Variants in HMGA1 observed in about 807,000 individuals in gnomAD.
HMGA1 encodes the protein high mobility group protein HMG-I/HMG-Y.
A neutral mutation model predicts 15.1 loss-of-function variants in HMGA1; 1 was observed. The observed-to-expected ratio is 0.07, with a 90% CI of 0.02 to 0.31. The LOEUF is 0.31. Among genes scored for constraint, HMGA1 ranks in the 10% least tolerant of loss-of-function variants. The pLI, the probability that HMGA1 is intolerant of heterozygous loss-of-function variation, is 1.00. For missense variants in HMGA1, 94 were observed against 141.4 expected (o/e 0.66, Z 1.70); for synonymous variants, 56 against 54.8 (o/e 1.02, Z -0.10).
At position 34,240,084 on chromosome 6, in the gene HMGA1, C is replaced by T. The variant is rs922888958; in HGVS notation, c.-44-653C>T. On this transcript the variant is annotated intron_variant, in intron 2 of 5. Coordinates refer to ENST00000311487, the MANE Select transcript of HMGA1 (RefSeq NM_145899.3). ...CCCACTAGCTTCAACCATCTCCTCC[C>T]TCCCTCAATTATACCAATCTGAATT... Among the ~76,000 whole-genome samples, 3 of 152,168 alleles carry T rather than the reference C, an allele frequency of 2.0e-5. No individual in the cohort carries two copies. The South Asian group carries it at 6.2e-4, about 32-fold the overall frequency.
At chr6:34,242,588 C>T in intron 3 of HMGA1, 124 bp from the exon 4 acceptor site, 1 of 722,628 alleles carries the variant, frequency 1.4e-6, no homozygotes, top group East Asian at 2.8e-5. Flanking sequence ...ATTCCTAGGT[C>T]AGGGATGGTT....
intron 5 of HMGA1, among the ~76,000 whole-genome samples, chr6:34,243,788 G>T (rs1561876072): frequency 6.6e-6 from 1 of 152,098 alleles, no homozygotes; most frequent in Non-Finnish European, 1.5e-5. Context: ...CCTGCTCCTA[G>T]AATACTCAGA....
chr6:34,239,713 T>A (rs977005677), intron 2 of HMGA1, among the ~76,000 whole-genome samples: 1 of 152,162 alleles, frequency 6.6e-6, no homozygotes, highest in Non-Finnish European at 1.5e-5. Context: ...TGTGGAGGAC[T>A]GTCCTTTTTA....
At chr6:34,241,034 C>A in intron 3 of HMGA1, 119 bp downstream of exon 3, 2 of 1,182,744 alleles carry the variant, frequency 1.7e-6, no homozygotes, top group Non-Finnish European at 2.5e-6. Context: ...GCGCAGTAAG[C>A]GTGTGGGTGT....
chr6:34,238,275 C>G (rs1210810268), intron 2 of HMGA1, among the ~76,000 whole-genome samples: 2 of 152,070 alleles, frequency 1.3e-5, no homozygotes, highest in Admixed American at 6.5e-5. Context: ...GCCCTGGCCC[C>G]GGGTCCCGCC....
chr6:34,241,866 C>T (rs922171652), intron 3 of HMGA1, among the ~76,000 whole-genome samples: 10 of 152,176 alleles, frequency 6.6e-5, no homozygotes, highest in Non-Finnish European at 1.5e-4. Context: ...CCCAGGGAGA[C>T]ACGAGCTGTG....
intron 5 of HMGA1, 43 bp from the exon 6 acceptor site, chr6:34,244,788 G>T: frequency 6.5e-7 from 1 of 1,528,792 alleles, no homozygotes; most frequent in South Asian, 1.2e-5. Flanking sequence ...GTGGAAGAGG[G>T]GGACCGGGCC....
At chr6:34,242,844 C>T (rs767235272) in intron 4 of HMGA1, 49 bp downstream of exon 4, 1 of 1,407,130 alleles carries the variant, frequency 7.1e-7, no homozygotes, top group Non-Finnish European at 9.9e-7. Context: ...AGCAGAGGAT[C>T]CTCTTGTTGG....
At chr6:34,242,640 C>T in intron 3 of HMGA1, 72 bp from the exon 4 acceptor site, 2 of 1,026,580 alleles carry the variant, frequency 1.9e-6, no homozygotes, top group Admixed American at 2.0e-5. Context: ...GTTGAGGAGG[C>T]AGAGGGCTGT....
intron 2 of HMGA1, among the ~76,000 whole-genome samples, chr6:34,240,331 G>A (rs917101049): frequency 2.2e-4 from 34 of 152,168 alleles, no homozygotes; most frequent in African/African-American, 7.7e-4. Flanking sequence ...TTCTCTTAAA[G>A]AGAAAGGGCA....
At position 34,240,941 on chromosome 6, in the gene HMGA1, T is replaced by G. The variant is rs139544343; in HGVS notation, c.135+26T>G. On this transcript the variant is annotated intron_variant, in intron 3 of 5. Coordinates refer to ENST00000311487, the MANE Select transcript of HMGA1 (RefSeq NM_145899.3). Reference sequence around the variant, plus strand: ...GTGGGTGTCCAAACCTTTGCTTCACTTGGTTTACCCTTTGGGGCTAGGGAG... The same window carrying G: ...GTGGGTGTCCAAACCTTTGCTTCACGTGGTTTACCCTTTGGGGCTAGGGAG... The G allele has an allele frequency of 1.3e-3, 2,081 of 1,613,346 alleles. 33 individuals are homozygous for G. In the African/African-American group the frequency reaches 0.023, roughly 17 times the overall value.
intron 5 of HMGA1, 81 bp from the exon 6 acceptor site, chr6:34,244,750 A>G (rs1177032795): frequency 8.6e-7 from 1 of 1,165,776 alleles, no homozygotes; most frequent in East Asian, 2.6e-5. Context: ...CAGGGAGTGC[A>G]GGGAGCGGGT....
At chr6:34,238,209 CGG>C (rs1018795222) in intron 2 of HMGA1, among the ~76,000 whole-genome samples, 9 of 151,966 alleles carry the variant, frequency 5.9e-5, no homozygotes, top group African/African-American at 2.2e-4. Flanking sequence ...TGCATGCGGT[CGG>C]GGTGCGCTGC....
At chr6:34,237,769 G>A (rs1376171317) in intron 2 of HMGA1, among the ~76,000 whole-genome samples, 2 of 151,584 alleles carry the variant, frequency 1.3e-5, no homozygotes, top group Non-Finnish European at 3.0e-5. Flanking sequence ...GGGGGGTCGG[G>A]CGCCCCCCGC....
chr6:34,238,705 T>C (rs1314307512), intron 2 of HMGA1: 2 of 151,500 alleles, frequency 1.3e-5, no homozygotes, highest in Non-Finnish European at 2.9e-5. Flanking sequence ...CAGAAACAGG[T>C]GGAAAAGACG....
At chr6:34,243,409 C>A in intron 4 of HMGA1, 59 bp from the exon 5 acceptor site, 3 of 1,333,282 alleles carry the variant, frequency 2.3e-6, no homozygotes, top group Non-Finnish European at 3.2e-6. Flanking sequence ...CACTATTGGG[C>A]ATCGGGTGAG....
At chr6:34,239,529 C>G (rs1342886298) in intron 2 of HMGA1, among the ~76,000 whole-genome samples, 1 of 152,146 alleles carries the variant, frequency 6.6e-6, no homozygotes, top group Non-Finnish European at 1.5e-5. Flanking sequence ...GGAGGTAGTT[C>G]AGGCAGGTAC....
chr6:34,246,217 AT>A lies in HMGA1; in HGVS notation c.*1334del, dbSNP rs1269084103. On this transcript the variant is annotated 3_prime_UTR_variant, in exon 6 of 6. Coordinates refer to ENST00000311487, the MANE Select transcript of HMGA1 (RefSeq NM_145899.3). ...ATTTGCAGTTACTTGAATAAAAAAAATATCCTTTTCTGGACTGGAGTCTCCT... is the reference window on the plus strand; with the variant it reads ...ATTTGCAGTTACTTGAATAAAAAAAAATCCTTTTCTGGACTGGAGTCTCCT... 20 of 303,470 alleles carry A rather than the reference AT, an allele frequency of 6.6e-5. No individual in the cohort carries two copies. Among genetic ancestry groups the A allele is most frequent in the South Asian group, 1.2e-4 (1 of 8,386 alleles). The allele number at this position is 303,470 out of a possible 1,614,324, so 18.8% of individuals were successfully genotyped here. A position where few individuals can be genotyped will look rare whatever the true frequency, so the allele number is the denominator to read the frequency against.
Position 34,237,186 on chromosome 6 carries a change from G to GCT in HMGA1, c.-158-12_-158-11dup, listed in dbSNP as rs113872254. ...GCGGCGGCGGTCTCTGAGCGCCTCTGCTCTCTCCCGGTTTCAGATCCGCAT... is the reference window on the plus strand; with the variant it reads ...GCGGCGGCGGTCTCTGAGCGCCTCTGCTCTCTCTCCCGGTTTCAGATCCGCAT... On this transcript the variant is annotated splice_polypyrimidine_tract_variant and intron_variant, in intron 1 of 5. Coordinates refer to ENST00000311487, the MANE Select transcript of HMGA1 (RefSeq NM_145899.3). The GCT allele has an allele frequency of 0.99, 148,770 of 149,998 alleles. 73,789 individuals are homozygous for GCT. Among genetic ancestry groups the GCT allele is most frequent in the East Asian group, 1 (4,960 of 4,960 alleles). 9.3% of individuals were successfully genotyped at this position (149,998 alleles called of 1,614,324 possible).
Sources: allele counts gnomAD v4.1 joint callset (sites outside exome capture counted in the v4.1 genomes callset), GRCh38; gene constraint gnomAD v4.1.1; transcripts MANE v1.5; gene names NCBI Gene and HGNC (gene_info 2026-07-23, HGNC 2026-07-21).